Variants in METTL15 observed in about 807,000 individuals in gnomAD.
METTL15 encodes methyltransferase 15, mitochondrial 12S rRNA N4-cytidine, also known as 12S rRNA N(4)-cytidine methyltransferase METTL15.
Under a neutral mutation model 38.3 loss-of-function variants are expected in METTL15, and 34 were observed. The ratio of observed to expected loss-of-function variants is 0.89; its 90% CI spans 0.68 to 1.18. The LOEUF (loss-of-function observed/expected upper bound fraction) is 1.18, where lower values mean the gene tolerates loss of function less well. Among genes scored for constraint, METTL15 ranks in the 50% most tolerant of loss-of-function variants. The pLI is 0.00. For synonymous variants in METTL15, 162 were observed against 170.9 expected, an observed-to-expected ratio of 0.95 and a Z score of 0.41; for missense variants, 438 against 498.4, an observed-to-expected ratio of 0.88 and a Z score of 1.15.
intron 4 of METTL15, among the ~76,000 whole-genome samples, chr11:28,359,416 T>C (rs1048437779): frequency 2.0e-5 from 3 of 152,204 alleles, no homozygotes; most frequent in Admixed American, 2.0e-4. Context: ...TAGAACATTT[T>C]ATTTTCCTTT....
At chr11:28,513,032 G>A (rs1378999966) in intron 6 of METTL15, among the ~76,000 whole-genome samples, 1 of 152,214 alleles carries the variant, frequency 6.6e-6, no homozygotes, top group African/African-American at 2.4e-5. Context: ...AAATTTGCAT[G>A]TAAGTGGACT....
At chr11:28,433,852 C>G (rs937269232) in intron 6 of METTL15, among the ~76,000 whole-genome samples, 1 of 152,152 alleles carries the variant, frequency 6.6e-6, no homozygotes, top group Admixed American at 6.5e-5. Context: ...TCAATCCTTT[C>G]TTCTCCAATA....
chr11:28,479,109 T>C (rs1463784223), intron 6 of METTL15, among the ~76,000 whole-genome samples: 10 of 151,284 alleles, frequency 6.6e-5, no homozygotes, highest in Admixed American at 2.6e-4. Flanking sequence ...GCTTTTGTAA[T>C]GTTATAAAAT....
At chr11:28,386,489 A>T (rs1340711413) in intron 5 of METTL15, among the ~76,000 whole-genome samples, 1 of 152,030 alleles carries the variant, frequency 6.6e-6, no homozygotes, top group Non-Finnish European at 1.5e-5. Flanking sequence ...AAAGAAAAAC[A>T]TTATATAATG....
intron 5 of METTL15, among the ~76,000 whole-genome samples, chr11:28,296,460 A>G (rs1856738357): frequency 6.6e-6 from 1 of 152,158 alleles, no homozygotes; most frequent in South Asian, 2.1e-4. Context: ...GTTTGAGAAA[A>G]ATACACAGGA....
chr11:28,238,338 C>T (rs936677007), intron 4 of METTL15, among the ~76,000 whole-genome samples: 22 of 152,206 alleles, frequency 1.4e-4, no homozygotes, highest in Non-Finnish European at 2.1e-4. Context: ...GCCTGGCTGC[C>T]GCCTTGCAGT....
intron 4 of METTL15, among the ~76,000 whole-genome samples, chr11:28,229,932 A>G (rs1853622741): frequency 6.6e-6 from 1 of 151,990 alleles, no homozygotes; most frequent in African/African-American, 2.4e-5. Flanking sequence ...AATGTCATCA[A>G]CAAATCAGAA....
At chr11:28,340,237 A>G (rs911999507) in intron 3 of METTL15, among the ~76,000 whole-genome samples, 3 of 152,096 alleles carry the variant, frequency 2.0e-5, no homozygotes, top group African/African-American at 4.8e-5. Flanking sequence ...TTGACTAAAA[A>G]TCTAGATTGA....
At chr11:28,205,602 C>A (rs866628384) in intron 3 of METTL15, among the ~76,000 whole-genome samples, 34 of 151,950 alleles carry the variant, frequency 2.2e-4, no homozygotes, top group African/African-American at 5.1e-4. Context: ...CATGATTTAT[C>A]GTCCTTTGGG....
chr11:28,499,291 G>A (rs140799991), intron 6 of METTL15, among the ~76,000 whole-genome samples: 53 of 152,180 alleles, frequency 3.5e-4, no homozygotes, highest in African/African-American at 4.3e-4. Flanking sequence ...GACATTTAGC[G>A]TGTGTGTACA....
intron 4 of METTL15, among the ~76,000 whole-genome samples, chr11:28,236,804 C>CA (rs1401684826): frequency 2.6e-5 from 4 of 152,246 alleles, no homozygotes; most frequent in African/African-American, 7.2e-5. Context: ...CTGGTGTTGA[C>CA]AAAATCTCTC....
At chr11:28,208,020 C>CT (rs1852439435) in intron 3 of METTL15, among the ~76,000 whole-genome samples, 1 of 152,006 alleles carries the variant, frequency 6.6e-6, no homozygotes, top group Non-Finnish European at 1.5e-5. Flanking sequence ...ATTAGTCTTG[C>CT]TAGCAGTCTA....
At chr11:28,201,524 G>T (rs1852111070) in intron 3 of METTL15, among the ~76,000 whole-genome samples, 1 of 150,994 alleles carries the variant, frequency 6.6e-6, no homozygotes, top group Non-Finnish European at 1.5e-5. Context: ...GCTTCTTTTG[G>T]TTGGTAGGCT....
At chr11:28,164,864 C>T (rs1850601237) in intron 3 of METTL15, among the ~76,000 whole-genome samples, 1 of 152,070 alleles carries the variant, frequency 6.6e-6, no homozygotes, top group South Asian at 2.1e-4. Context: ...CTTCCCTCCT[C>T]CCCAGGCCTC....
At chr11:28,415,529 A>G (rs542732719) in intron 5 of METTL15, among the ~76,000 whole-genome samples, 59 of 152,320 alleles carry the variant, frequency 3.9e-4, no homozygotes, top group Middle Eastern at 3.4e-3. Flanking sequence ...AGTTTCAGAG[A>G]GGTCAAAAAT....
intron 5 of METTL15, among the ~76,000 whole-genome samples, chr11:28,420,011 G>A (rs750427549): frequency 1.9e-4 from 29 of 152,112 alleles, no homozygotes; most frequent in South Asian, 4.1e-4. Flanking sequence ...AATGAAGACC[G>A]TCTACAAGAT....
intron 4 of METTL15, among the ~76,000 whole-genome samples, chr11:28,227,784 A>C (rs1853540548): frequency 6.6e-6 from 1 of 151,940 alleles, no homozygotes; most frequent in Non-Finnish European, 1.5e-5. Context: ...GGAGGAGGGC[A>C]AAATTGGAAA....
intron 6 of METTL15, among the ~76,000 whole-genome samples, chr11:28,317,139 T>C (rs183185799): frequency 1.1e-3 from 162 of 152,284 alleles, no homozygotes; most frequent in African/African-American, 2.1e-3. Context: ...TTTTCCCTAT[T>C]GTATGAGGAT....
chr11:28,379,041 G>T (rs1327343688), intron 5 of METTL15, among the ~76,000 whole-genome samples: 1 of 151,704 alleles, frequency 6.6e-6, no homozygotes, highest in African/African-American at 2.4e-5. Context: ...ATGATACTTT[G>T]TATTTCTGTG....
Sources: allele counts gnomAD v4.1 joint callset (sites outside exome capture counted in the v4.1 genomes callset), GRCh38; gene constraint gnomAD v4.1.1; transcripts MANE v1.5; gene names NCBI Gene and HGNC (gene_info 2026-07-23, HGNC 2026-07-21).